The following LARGE1 variants were observed in gnomAD, a reference collection of about 807,000 sequenced individuals.
The protein encoded by LARGE1 is LARGE xylosyl- and glucuronyltransferase 1, also known as xylosyl- and glucuronyltransferase LARGE1.
Under a neutral mutation model 87.6 loss-of-function variants are expected in LARGE1, and 43 were observed. The observed-to-expected ratio is 0.49, with a 90% CI of 0.38 to 0.63. The LOEUF (loss-of-function observed/expected upper bound fraction) is 0.63. Among genes scored for constraint, LARGE1 ranks in the 30% least tolerant of loss-of-function variants. The pLI is 0.00. For missense variants in LARGE1, 802 were observed against 1,000.2 expected, an observed-to-expected ratio of 0.80 and a Z score of 2.67; for synonymous variants, 434 against 394.6, an observed-to-expected ratio of 1.10 and a Z score of -1.18.
chr22:33,418,963 C>T (rs1465030908), intron 7 of LARGE1, among the ~76,000 whole-genome samples: 7 of 152,050 alleles, frequency 4.6e-5, no homozygotes, highest in Non-Finnish European at 7.4e-5. Flanking sequence ...GGTCTGAACA[C>T]CTGAAGAATC....
At chr22:33,879,728 C>G (rs2064608798) in intron 1 of LARGE1, among the ~76,000 whole-genome samples, 1 of 152,178 alleles carries the variant, frequency 6.6e-6, no homozygotes, top group African/African-American at 2.4e-5. Context: ...ACCATCTATC[C>G]TGTACTCGCC....
chr22:33,106,642 T>C, the LARGE1 span, among the ~76,000 whole-genome samples: 6 of 152,230 alleles, frequency 3.9e-5, no homozygotes, highest in African/African-American at 1.4e-4. Flanking sequence ...ATTACAGGCA[T>C]GTGCCACCAT....
At chr22:33,123,772 A>G in the LARGE1 span, among the ~76,000 whole-genome samples, 1 of 152,186 alleles carries the variant, frequency 6.6e-6, no homozygotes, top group African/African-American at 2.4e-5. Context: ...CGGATTCACC[A>G]CAGAACCTAC....
chr22:33,193,878 AATGTTTTATATATTATAT>A (rs1211659063), intron 11 of LARGE1, among the ~76,000 whole-genome samples: 8 of 143,360 alleles, frequency 5.6e-5, no homozygotes, highest in Admixed American at 2.1e-4. Flanking sequence ...TATTATATAT[AATGTTTTATATATTATAT>A]ATGTTTTATA....
chr22:33,466,105 C>G (rs1268403471), intron 6 of LARGE1, among the ~76,000 whole-genome samples: 1 of 152,154 alleles, frequency 6.6e-6, no homozygotes, highest in African/African-American at 2.4e-5. Flanking sequence ...CTCCCTATAC[C>G]CCGGCCATGT....
the LARGE1 span, among the ~76,000 whole-genome samples, chr22:33,121,943 G>A: frequency 1.3e-5 from 2 of 152,054 alleles, no homozygotes; most frequent in African/African-American, 4.8e-5. Flanking sequence ...AAAACAGCAT[G>A]GGAAAGACCC....
chr22:33,592,161 A>C (rs976926296), intron 5 of LARGE1, among the ~76,000 whole-genome samples: 3 of 151,496 alleles, frequency 2.0e-5, no homozygotes, highest in African/African-American at 7.3e-5. Flanking sequence ...AAGTCCCTAT[A>C]ATTTTCTTTG....
intron 6 of LARGE1, among the ~76,000 whole-genome samples, chr22:33,502,260 C>T (rs778846353): frequency 1.4e-4 from 21 of 150,952 alleles, no homozygotes; most frequent in Admixed American, 4.0e-4. Context: ...GCAGTGACAG[C>T]GGCGGTGAGC....
chr22:33,872,263 C>T (rs570781964), intron 1 of LARGE1, among the ~76,000 whole-genome samples: 21 of 151,878 alleles, frequency 1.4e-4, no homozygotes, highest in African/African-American at 2.9e-4. Flanking sequence ...GAAATGGGCA[C>T]GCCAGCATCC....
At chr22:33,531,034 G>A (rs1291916205) in intron 6 of LARGE1, among the ~76,000 whole-genome samples, 3 of 152,162 alleles carry the variant, frequency 2.0e-5, no homozygotes, top group African/African-American at 4.8e-5. Flanking sequence ...GAGAGTCTTG[G>A]TGACTGACTT....
At chr22:33,474,534 T>C (rs2068989954) in intron 6 of LARGE1, among the ~76,000 whole-genome samples, 2 of 152,140 alleles carry the variant, frequency 1.3e-5, no homozygotes, top group South Asian at 4.1e-4. Flanking sequence ...GACATGGCGC[T>C]TACCCCCTTA....
chr22:33,845,372 G>A lies in LARGE1; in HGVS notation c.-83+74623C>T, dbSNP rs191068555. ...TGCCCAGGCTGGAGTGTAATGGCAC[G>A]ATCTCAGCTCACCGCAACCTCTACC... On this transcript the variant is annotated intron_variant, in intron 1 of 14. Coordinates refer to ENST00000397394, the MANE Select transcript of LARGE1 (RefSeq NM_133642.5). Among the ~76,000 whole-genome samples, 310 of 152,142 alleles carry A rather than the reference G, an allele frequency of 2.0e-3. 2 individuals carry two copies. The highest frequency in any genetic ancestry group is 5.9e-3 in the African/African-American group (245 of 41,510).
At chr22:33,452,863 ACATGCTCATTTCCTTTACTT>A (rs148060438) in intron 6 of LARGE1, among the ~76,000 whole-genome samples, 3,010 of 152,278 alleles carry the variant, frequency 0.02, 87 homozygotes, top group African/African-American at 0.069. Context: ...ATAGCTTACA[ACATGCTCATTTCCTTTACTT>A]CAAGAAATGA....
intron 7 of LARGE1, among the ~76,000 whole-genome samples, chr22:33,427,107 T>C (rs1200337863): frequency 6.6e-6 from 1 of 152,234 alleles, no homozygotes; most frequent in Non-Finnish European, 1.5e-5. Flanking sequence ...AATGAGCCTG[T>C]CAAAATCCTA....
At chr22:33,801,465 G>C (rs569725862) in intron 1 of LARGE1, among the ~76,000 whole-genome samples, 4 of 152,250 alleles carry the variant, frequency 2.6e-5, no homozygotes, top group African/African-American at 9.6e-5. Context: ...ATGTTGTTGA[G>C]CATCTTTTCA....
chr22:33,083,440 T>C, the LARGE1 span, among the ~76,000 whole-genome samples: 1 of 152,174 alleles, frequency 6.6e-6, no homozygotes, highest in African/African-American at 2.4e-5. Flanking sequence ...ATACTACACA[T>C]TGTCAGTAGG....
At chr22:33,443,335 A>G (rs1053565950) in intron 6 of LARGE1, among the ~76,000 whole-genome samples, 1 of 152,202 alleles carries the variant, frequency 6.6e-6, no homozygotes, top group African/African-American at 2.4e-5. Context: ...GAATGGCTAC[A>G]GCGGGCATCA....
At chr22:33,729,141 G>A (rs1320912752) in intron 2 of LARGE1, among the ~76,000 whole-genome samples, 2 of 152,114 alleles carry the variant, frequency 1.3e-5, no homozygotes, top group Admixed American at 6.5e-5. Context: ...CTTAATTCCT[G>A]CCCTCCCCCA....
At chr22:33,516,668 A>T (rs2071320098) in intron 6 of LARGE1, among the ~76,000 whole-genome samples, 2 of 30 alleles carry the variant, frequency 0.067, no homozygotes, top group South Asian at 0.25. Flanking sequence ...CGCTCACTGC[A>T]AACTTCCGCC....
Sources: allele counts gnomAD v4.1 joint callset (sites outside exome capture counted in the v4.1 genomes callset), GRCh38; gene constraint gnomAD v4.1.1; transcripts MANE v1.5; gene names NCBI Gene and HGNC (gene_info 2026-07-23, HGNC 2026-07-21).